The following MAP3K4 variants were observed in gnomAD, a reference collection of about 807,000 sequenced individuals.
MAP3K4 encodes the protein MAP three kinase 1.
A neutral mutation model predicts 185.6 loss-of-function variants in MAP3K4; 67 were observed. That is an observed-to-expected ratio of 0.36 (90% CI 0.30 to 0.44). MAP3K4 has a LOEUF of 0.44. MAP3K4 is among the 20% of genes least tolerant of loss of function. The probability of loss-of-function intolerance (pLI) is 1.00; values close to 1 mark genes in which losing one functional copy is unlikely to be tolerated. For synonymous variants in MAP3K4, 702 were observed against 710.4 expected, an observed-to-expected ratio of 0.99 and a Z score of 0.19; for missense variants, 1,551 against 1,995.1, an observed-to-expected ratio of 0.78 and a Z score of 4.24.
chr6:161,002,158 G>A (rs1781353629), intron 1 of MAP3K4, among the ~76,000 whole-genome samples: 1 of 151,170 alleles, frequency 6.6e-6, no homozygotes, highest in Admixed American at 6.6e-5. Flanking sequence ...ATTCTGGCTG[G>A]CCCTTGGATC....
rs1780738143 is a variant in MAP3K4, at chr6:160,992,061, C to G, written c.130C>G (p.Pro44Ala). 3 of 1,584,700 alleles carry G rather than the reference C, an allele frequency of 1.9e-6. No individual in the cohort carries two copies. Among genetic ancestry groups the G allele is most frequent in the South Asian group, 2.3e-5 (2 of 88,264 alleles). The change falls in exon 1 of 27, where the codon CCC becomes GCC. Residue 44 changes from proline to alanine, a missense_variant. Transcript: ENST00000392142. Reference sequence around the variant, plus strand: ...ACCGGAACCCGAGACCGAGTCAGAACCCGAGTGCTGCTTGGCGGCGAGGTG... The same window carrying G: ...ACCGGAACCCGAGACCGAGTCAGAAGCCGAGTGCTGCTTGGCGGCGAGGTG... The part of the protein sequence containing the change: ...PPPEPETESE[P>A]ECCLAARQEG...
At position 161,093,864 on chromosome 6, in the gene MAP3K4, T is replaced by G; in HGVS notation, c.3427+13T>G. Reference sequence around the variant, plus strand: ...GGTTTGTACCTTGGTAAGACAGCCGTTAACAGCATTTCTTCTGGAACATAA... The same window carrying G: ...GGTTTGTACCTTGGTAAGACAGCCGGTAACAGCATTTCTTCTGGAACATAA... On this transcript the variant is annotated intron_variant, in intron 15 of 26. Coordinates refer to ENST00000392142, the MANE Select transcript of MAP3K4 (RefSeq NM_005922.4). This position sits in a 1 kb window ranked among gnomAD's most constrained non-coding sequence, Gnocchi z 5.2. 2 of 1,585,870 alleles carry G rather than the reference T, an allele frequency of 1.3e-6. No individual in the cohort carries two copies. The highest frequency in any genetic ancestry group is 1.7e-6 in the Non-Finnish European group (2 of 1,157,076).
Position 161,091,019 on chromosome 6 carries a change from C to G in MAP3K4, c.2974-360C>G, listed in dbSNP as rs921805000. Among the ~76,000 whole-genome samples, 2 of 152,168 alleles carry G rather than the reference C, an allele frequency of 1.3e-5. No homozygotes were observed. Among genetic ancestry groups the G allele is most frequent in the African/African-American group, 4.8e-5 (2 of 41,432 alleles). Reference sequence around the variant, plus strand: ...GGACAGCACGATCGGAGGAGGTCATCTAGAAGTACATGGACTTTTTCACTC... The same window carrying G: ...GGACAGCACGATCGGAGGAGGTCATGTAGAAGTACATGGACTTTTTCACTC... On this transcript the variant is annotated intron_variant, in intron 11 of 26. Transcript: ENST00000392142. This position sits in a 1 kb window ranked among gnomAD's most constrained non-coding sequence, Gnocchi z 5.5.
chr6:161,078,308 G>C (rs1350509898), intron 5 of MAP3K4, among the ~76,000 whole-genome samples: 3 of 152,240 alleles, frequency 2.0e-5, no homozygotes, highest in Non-Finnish European at 4.4e-5. Context: ...GCTTAAGCCA[G>C]CTTTGGGGTC....
chr6:161,079,311 T>C (rs1035097465), intron 5 of MAP3K4, among the ~76,000 whole-genome samples: 2 of 147,984 alleles, frequency 1.4e-5, no homozygotes, highest in Non-Finnish European at 3.0e-5. Context: ...GACGCAGTGG[T>C]TCACGCCTGT....
chr6:161,101,537 A>C lies in MAP3K4; in HGVS notation c.3675-355A>C, dbSNP rs1408486862. On this transcript the variant is annotated intron_variant, in intron 17 of 26. Coordinates refer to ENST00000392142, the MANE Select transcript of MAP3K4 (RefSeq NM_005922.4). This position sits in a 1 kb window ranked among gnomAD's most constrained non-coding sequence, Gnocchi z 5.1. Reference sequence around the variant, plus strand: ...TGTTTTTATTTCTGTTGTTAATATAAGACAAGGTTTTATGCAGGCAGGTGC... The same window carrying C: ...TGTTTTTATTTCTGTTGTTAATATACGACAAGGTTTTATGCAGGCAGGTGC... 1 of 165,430 alleles carries C rather than the reference A, an allele frequency of 6.0e-6. No individual in the cohort carries two copies. Among genetic ancestry groups the C allele is most frequent in the Non-Finnish European group, 1.3e-5 (1 of 77,130 alleles). The allele number at this position is 165,430 out of a possible 1,614,324, so 10.2% of individuals were successfully genotyped here.
In MAP3K4 at chr6:161,049,797, C is replaced by G. The variant is rs371598965; in HGVS notation, c.1525C>G (p.Pro509Ala). ...GGATGATTCTCTTGGCTGGGGAGCA[C>G]CAGACTGGAGCACAGAAGCAGGCTT... ...SEDDSLGWGA[P>A]DWSTEAGFSR... The change falls in exon 3 of 27, where the codon CCA becomes GCA. Residue 509 changes from proline (P) to alanine (A), a missense_variant. Physicochemically the swap from Pro to Ala is conservative, Grantham distance 27. Coordinates refer to ENST00000392142, the MANE Select transcript of MAP3K4 (RefSeq NM_005922.4). The surrounding 1 kb of genome is among the most constrained non-coding windows in gnomAD (Gnocchi z 8.4). 3.7e-6 allele frequency: 6 copies of G among 1,613,944 alleles called. No individual in the cohort carries two copies. The African/African-American group carries it at 8.0e-5, about 22-fold the overall frequency.
At chr6:161,102,978 A>T (rs1777903429) in intron 19 of MAP3K4, among the ~76,000 whole-genome samples, 199 bp downstream of exon 19, 1 of 152,128 alleles carries the variant, frequency 6.6e-6, no homozygotes. Context: ...CTAGTAACAA[A>T]CTACATGCTC....
At chr6:160,999,931 CTT>C (rs1471931929) in intron 1 of MAP3K4, among the ~76,000 whole-genome samples, 1 of 152,176 alleles carries the variant, frequency 6.6e-6, no homozygotes, top group African/African-American at 2.4e-5. Flanking sequence ...CCCCGTGAAA[CTT>C]TTATTTCTTG....
chr6:161,079,304 G>A (rs143495341), intron 5 of MAP3K4, among the ~76,000 whole-genome samples: 38 of 151,624 alleles, frequency 2.5e-4, no homozygotes, highest in African/African-American at 7.3e-4. Context: ...TTGGCCGGAC[G>A]CAGTGGTTCA....
In MAP3K4 at chr6:161,021,033, ACT is replaced by A. The variant is rs371967056; in HGVS notation, c.153-13224_153-13223del. Among the ~76,000 whole-genome samples, 486 of 152,176 alleles carry A rather than the reference ACT, an allele frequency of 3.2e-3. 4 individuals carry two copies. The highest frequency in any genetic ancestry group is 0.011 in the African/African-American group (466 of 41,512). On this transcript the variant is annotated intron_variant, in intron 1 of 26. Coordinates refer to ENST00000392142, the MANE Select transcript of MAP3K4 (RefSeq NM_005922.4). Reference sequence around the variant, plus strand: ...TATTTTTTCTTCTAAAATTTTTTAGACTCATTTAAATTTTTCTCAGTTTACAT... The same window carrying A: ...TATTTTTTCTTCTAAAATTTTTTAGACATTTAAATTTTTCTCAGTTTACAT...
rs1039093402 is a variant in MAP3K4 at position 161,049,928 on chromosome 6, T to C, written c.1656T>C (p.Gly552=). ...TAAGACTTCACAAGCTAATGGATGG[T>C]TCCTTGCAAAGGGCACGTATAGCAT... is the stretch of plus-strand genomic sequence containing the variant. ...LILRLHKLMD[G]SLQRARIALV... Residue 552 remains glycine (G), a synonymous_variant, in exon 3 of 27, where the codon GGT becomes GGC. Coordinates refer to ENST00000392142, the MANE Select transcript of MAP3K4 (RefSeq NM_005922.4). This position sits in a 1 kb window ranked among gnomAD's most constrained non-coding sequence, Gnocchi z 8.4. The C allele has an allele frequency of 1.2e-6, 2 of 1,613,966 alleles. No homozygotes were observed. The highest frequency in any genetic ancestry group is 1.7e-6 in the Non-Finnish European group (2 of 1,179,910).
At position 161,070,940 on chromosome 6, in the gene MAP3K4, CTTAA is replaced by C. The variant is rs1450168554; in HGVS notation, c.1950+93_1950+96del. 1 of 1,216,812 alleles carries C rather than the reference CTTAA, an allele frequency of 8.2e-7. No homozygotes were observed. Among genetic ancestry groups the C allele is most frequent in the East Asian group, 2.6e-5 (1 of 38,652 alleles). 75.4% of individuals were successfully genotyped at this position (1,216,812 alleles called of 1,614,324 possible). On this transcript the variant is annotated intron_variant, in intron 4 of 26. Coordinates refer to ENST00000392142, the MANE Select transcript of MAP3K4 (RefSeq NM_005922.4). The surrounding 1 kb of genome is among the most constrained non-coding windows in gnomAD (Gnocchi z 4.5). ...TTATTTTGAGAGTTCCTTTTTTTTT[CTTAA>C]TTGTCGCAAATAGTGAAAAATGACT...
At position 161,112,976 on chromosome 6, in the gene MAP3K4, A is replaced by G. The variant is rs1449855582; in HGVS notation, c.4626+202A>G. ...AATATTTGTAAGATATCTGCCACAG[A>G]GAACTCTTATGAGTGAATTTAAGAA... On this transcript the variant is annotated intron_variant, in intron 25 of 26. Coordinates refer to ENST00000392142, the MANE Select transcript of MAP3K4 (RefSeq NM_005922.4). This position sits in a 1 kb window ranked among gnomAD's most constrained non-coding sequence, Gnocchi z 5.1. 2.6e-5 allele frequency among the ~76,000 whole-genome samples: 4 copies of G among 152,276 alleles called. No homozygotes were observed. Among genetic ancestry groups the G allele is most frequent in the Non-Finnish European group, 5.9e-5 (4 of 68,050 alleles).
chr6:161,103,014 C>G lies in MAP3K4; in HGVS notation c.3856+235C>G, dbSNP rs1363142164. On this transcript the variant is annotated intron_variant, in intron 19 of 26. Coordinates refer to ENST00000392142, the MANE Select transcript of MAP3K4 (RefSeq NM_005922.4). This position sits in a 1 kb window ranked among gnomAD's most constrained non-coding sequence, Gnocchi z 4.6. ...CTTTGGGTCTATAATATGTTTTACTCATCTTTATATTCTTAAAGCAACTTA... is the reference window on the plus strand; with the variant it reads ...CTTTGGGTCTATAATATGTTTTACTGATCTTTATATTCTTAAAGCAACTTA... 1.3e-5 allele frequency among the ~76,000 whole-genome samples: 2 copies of G among 152,110 alleles called. No individual in the cohort carries two copies. Among genetic ancestry groups the G allele is most frequent in the African/African-American group, 4.8e-5 (2 of 41,414 alleles).
intron 2 of MAP3K4, among the ~76,000 whole-genome samples, chr6:161,036,151 G>A (rs77899488): frequency 0.034 from 5,203 of 152,224 alleles, 297 homozygotes; most frequent in African/African-American, 0.12. Flanking sequence ...GAGATAGAGG[G>A]AAAGGAAAGG....
Position 161,112,910 on chromosome 6 carries a change from G to A in MAP3K4, c.4626+136G>A, listed in dbSNP as rs1283266152. 6.3e-6 allele frequency: 3 copies of A among 478,046 alleles called. No homozygotes were observed. Among genetic ancestry groups the A allele is most frequent in the Non-Finnish European group, 7.0e-6 (2 of 285,398 alleles). The allele number at this position is 478,046 out of a possible 1,614,324, so 29.6% of individuals were successfully genotyped here. A position where few individuals can be genotyped will look rare whatever the true frequency, so the allele number is the denominator to read the frequency against. On this transcript the variant is annotated intron_variant, in intron 25 of 26. Coordinates refer to ENST00000392142, the MANE Select transcript of MAP3K4 (RefSeq NM_005922.4). The surrounding 1 kb of genome is among the most constrained non-coding windows in gnomAD (Gnocchi z 5.1). Reference sequence around the variant, plus strand: ...CGAACGATATTAGATACAAAAATCTGATCCATCAAAAGATTAAGACAAATG... The same window carrying A: ...CGAACGATATTAGATACAAAAATCTAATCCATCAAAAGATTAAGACAAATG...
At chr6:161,068,287 G>A (rs1273217459) in intron 3 of MAP3K4, among the ~76,000 whole-genome samples, 1 of 152,194 alleles carries the variant, frequency 6.6e-6, no homozygotes, top group African/African-American at 2.4e-5. Flanking sequence ...TGAGTTATTT[G>A]AGGCAATCAC....
Position 161,107,996 on chromosome 6 carries a change from T to G in MAP3K4, c.4119+27T>G. On this transcript the variant is annotated intron_variant, in intron 21 of 26. Coordinates refer to ENST00000392142, the MANE Select transcript of MAP3K4 (RefSeq NM_005922.4). The surrounding 1 kb of genome is among the most constrained non-coding windows in gnomAD (Gnocchi z 6.2). ...TGAGTCACCTGGCTCCGTGGGGCCT[T>G]TGGGCCTGGCGGCTCTGGGTGATAG... The G allele has an allele frequency of 6.2e-7, 1 of 1,609,440 alleles. No homozygotes were observed.
Sources: gnomAD v4.1 joint callset for allele counts (sites outside exome capture counted in the v4.1 genomes callset) on GRCh38, gnomAD v4.1.1 for gene constraint, Gnocchi (gnomAD v3.1) non-coding constraint, MANE v1.5 for transcripts, NCBI Gene and HGNC (gene_info 2026-07-23, HGNC 2026-07-21) for gene names.